Variants in CUX1 observed in about 807,000 individuals in gnomAD.
CUX1 encodes the protein protein CASP.
In CUX1, 31 loss-of-function variants were observed where a neutral mutation model predicts 158.8. That is an observed-to-expected ratio of 0.20 (90% CI 0.15 to 0.26). The LOEUF (loss-of-function observed/expected upper bound fraction) is 0.26, where lower values mean the gene tolerates loss of function less well. CUX1 is among the 10% of genes least tolerant of loss of function. The pLI, the probability that CUX1 is intolerant of heterozygous loss-of-function variation, is 1.00. For synonymous variants in CUX1, 879 were observed against 862.1 expected (o/e 1.02, Z -0.34); for missense variants, 1,589 against 2,014.6 (o/e 0.79, Z 4.04).
chr7:102,264,859 A>G (rs1486323963), intron 14 of CUX1: 2 of 152,570 alleles, frequency 1.3e-5, no homozygotes, highest in Admixed American at 6.5e-5. Context: ...TATGGCCTCA[A>G]TCACACCCTC....
intron 2 of CUX1, among the ~76,000 whole-genome samples, chr7:101,919,828 C>T (rs893669343): frequency 8.5e-5 from 13 of 152,070 alleles, no homozygotes; most frequent in Admixed American, 2.6e-4. Flanking sequence ...TGGGCTGTGA[C>T]GGGGAGGTGG....
intron 4 of CUX1, among the ~76,000 whole-genome samples, chr7:102,081,051 A>G (rs1217837461): frequency 1.3e-5 from 2 of 152,198 alleles, no homozygotes; most frequent in Non-Finnish European, 2.9e-5. Context: ...CCATCACAGC[A>G]GAACTCCCCT....
At chr7:102,084,377 A>T (rs1827746815) in intron 4 of CUX1, among the ~76,000 whole-genome samples, 1 of 149,608 alleles carries the variant, frequency 6.7e-6, no homozygotes, top group Admixed American at 6.7e-5. Context: ...AATTTTTTTG[A>T]AGTTTTCTTG....
At chr7:102,082,540 A>G (rs1037070655) in intron 4 of CUX1, among the ~76,000 whole-genome samples, 2 of 147,142 alleles carry the variant, frequency 1.4e-5, no homozygotes, top group East Asian at 3.9e-4. Flanking sequence ...ACATAAACAC[A>G]TACAATGAAA....
At chr7:101,948,052 C>G (rs922396077) in intron 2 of CUX1, among the ~76,000 whole-genome samples, 1 of 152,202 alleles carries the variant, frequency 6.6e-6, no homozygotes, top group African/African-American at 2.4e-5. Context: ...TCCCTGCCCC[C>G]GCTCTGTTAA....
intron 20 of CUX1, among the ~76,000 whole-genome samples, chr7:102,215,557 T>A (rs1361398899): frequency 1.3e-5 from 2 of 152,202 alleles, no homozygotes; most frequent in East Asian, 1.9e-4. Context: ...TGTCCTACAT[T>A]AAGTACCCTT....
chr7:102,169,562 T>C (rs1679136335), intron 9 of CUX1, among the ~76,000 whole-genome samples: 1 of 152,250 alleles, frequency 6.6e-6, no homozygotes, highest in Admixed American at 6.5e-5. Context: ...CTGAGTTGTG[T>C]GTCCTGGGCA....
chr7:101,842,734 C>T (rs182401557), intron 1 of CUX1, among the ~76,000 whole-genome samples: 44 of 150,736 alleles, frequency 2.9e-4, no homozygotes, highest in Non-Finnish European at 4.7e-4. Context: ...TAAGGCTGTA[C>T]TGTTACATTG....
At chr7:101,866,460 C>T (rs1483297027) in intron 1 of CUX1, among the ~76,000 whole-genome samples, 10 of 151,774 alleles carry the variant, frequency 6.6e-5, no homozygotes, top group African/African-American at 9.7e-5. Context: ...CTGAGTGAGA[C>T]GCTGTCTCAA....
intron 3 of CUX1, 80 bp from the exon 4 acceptor site, chr7:102,070,259 G>A: frequency 8.3e-7 from 1 of 1,205,042 alleles, no homozygotes; most frequent in Non-Finnish European, 1.2e-6. Context: ...GAATTCACTA[G>A]ATGTGTAATG....
exon 23 of CUX1, chr7:102,283,104 C>T (rs782755684): frequency 1.9e-6 from 3 of 1,610,630 alleles, no homozygotes; most frequent in Admixed American, 1.7e-5. Flanking sequence ...CCCGGGGCCT[C>T]CCCCGTGACA....
chr7:101,983,152 G>A (rs1337511409), intron 2 of CUX1, among the ~76,000 whole-genome samples: 8 of 152,176 alleles, frequency 5.3e-5, no homozygotes, highest in Non-Finnish European at 7.3e-5. Flanking sequence ...TATGTCATTG[G>A]CTGTGTGACC....
chr7:101,857,101 C>T (rs573758851), intron 1 of CUX1, among the ~76,000 whole-genome samples: 2 of 152,338 alleles, frequency 1.3e-5, no homozygotes, highest in African/African-American at 4.8e-5. Flanking sequence ...TACCACCCGC[C>T]GCGGGCCACT....
intron 2 of CUX1, among the ~76,000 whole-genome samples, chr7:101,924,120 A>G (rs558720207): frequency 1.6e-4 from 25 of 152,058 alleles, no homozygotes; most frequent in Non-Finnish European, 2.9e-4. Flanking sequence ...TGTGCGGGGT[A>G]AGCCAGGAAG....
At chr7:101,959,709 A>AGTAT (rs1340406758) in intron 2 of CUX1, 1 of 152,088 alleles carries the variant, frequency 6.6e-6, no homozygotes, top group East Asian at 1.9e-4. Context: ...TCTCACAAGA[A>AGTAT]GTATATTCTT....
chr7:102,203,298 C>G (rs1795637631), intron 18 of CUX1, among the ~76,000 whole-genome samples: 3 of 152,160 alleles, frequency 2.0e-5, no homozygotes, highest in Admixed American at 2.0e-4. Flanking sequence ...AAGGCACCTT[C>G]CTGAGGGAGC....
chr7:102,278,649 T>TAAA (rs1281870406), intron 18 of CUX1, among the ~76,000 whole-genome samples: 4,346 of 98,338 alleles, frequency 0.044, 225 homozygotes, highest in African/African-American at 0.15. Context: ...TAAAATAAAA[T>TAAA]AAAATAAAAA....
Position 102,090,361 on chromosome 7 carries a change from G to A in CUX1, c.269-7003G>A, listed in dbSNP as rs1007067631. ...CAGCTAGTCAATTTTCATTTTCCAT[G>A]ATACCGTTTTTTTTTTTGTTTTTTT... On this transcript the variant is annotated intron_variant, in intron 4 of 23. Transcript: ENST00000292535. Among the ~76,000 whole-genome samples, 37 of 151,482 alleles carry A rather than the reference G, an allele frequency of 2.4e-4. 1 individual carries two copies. Among genetic ancestry groups the A allele is most frequent in the African/African-American group, 8.7e-4 (36 of 41,218 alleles).
intron 14 of CUX1, among the ~76,000 whole-genome samples, chr7:102,264,227 A>G (rs1033244560): frequency 6.6e-6 from 1 of 151,628 alleles, no homozygotes; most frequent in Non-Finnish European, 1.5e-5. Context: ...GCTGGTCTCG[A>G]ACTCCTGACC....
Sources: gnomAD v4.1 joint callset for allele counts (sites outside exome capture counted in the v4.1 genomes callset) on GRCh38, gnomAD v4.1.1 for gene constraint, MANE v1.5 for transcripts, NCBI Gene and HGNC (gene_info 2026-07-23, HGNC 2026-07-21) for gene names.